The following HAUS6 variants were observed in gnomAD, a reference collection of about 807,000 sequenced individuals.
The protein encoded by HAUS6 is HAUS augmin-like complex subunit 6.
A neutral mutation model predicts 106.8 loss-of-function variants in HAUS6; 80 were observed. That is an observed-to-expected ratio of 0.75 (90% CI 0.63 to 0.90). The LOEUF is 0.90. Ranked by LOEUF, HAUS6 falls within the 40% of genes least tolerant of loss-of-function variation. The pLI, the probability that HAUS6 is intolerant of heterozygous loss-of-function variation, is 0.00. For synonymous variants in HAUS6, 356 were observed against 379.1 expected, an observed-to-expected ratio of 0.94 and a Z score of 0.71; for missense variants, 1,155 against 1,118.1, an observed-to-expected ratio of 1.03 and a Z score of -0.47.
At chr9:19,063,704 G>C (rs373447349) in intron 12 of HAUS6, 124 bp from the exon 13 acceptor site, 1 of 801,018 alleles carries the variant, frequency 1.2e-6, no homozygotes, top group East Asian at 2.5e-5. Flanking sequence ...AATTCGTCCC[G>C]GTCATCAAAA....
intron 12 of HAUS6, among the ~76,000 whole-genome samples, chr9:19,067,306 G>A (rs1302574457): frequency 6.6e-6 from 1 of 152,140 alleles, no homozygotes; most frequent in African/African-American, 2.4e-5. Context: ...ATTACTGATG[G>A]AACATGTAAC....
At chr9:19,087,186 TA>T in intron 5 of HAUS6, 30 bp from the exon 6 acceptor site, 1 of 1,190,590 alleles carries the variant, frequency 8.4e-7, no homozygotes, top group Non-Finnish European at 1.3e-6. Flanking sequence ...ATGACAACTA[TA>T]ATACCATTAC....
chr9:19,064,736 T>G (rs566530316), intron 12 of HAUS6, among the ~76,000 whole-genome samples: 13 of 152,232 alleles, frequency 8.5e-5, no homozygotes, highest in Non-Finnish European at 1.9e-4. Flanking sequence ...AAATATGCAC[T>G]CTTAGAGTCT....
intron 3 of HAUS6, 42 bp from the exon 4 acceptor site, chr9:19,093,345 C>A: frequency 6.6e-7 from 1 of 1,510,588 alleles, no homozygotes. Context: ...ACCTTGTTAA[C>A]AATAACTCTT....
chr9:19,059,656 T>C (rs1836564259), intron 15 of HAUS6, among the ~76,000 whole-genome samples: 1 of 152,186 alleles, frequency 6.6e-6, no homozygotes, highest in African/African-American at 2.4e-5. Context: ...AAAAAAGGTA[T>C]TGGGCAGTTT....
chr9:19,093,111 T>A (rs1817789968), intron 4 of HAUS6, 60 bp downstream of exon 4: 1 of 1,191,990 alleles, frequency 8.4e-7, no homozygotes, highest in Admixed American at 2.5e-5. Flanking sequence ...ATTTAAAAAT[T>A]GTAAAGAACA....
At chr9:19,084,051 C>CA (rs35034404) in intron 7 of HAUS6, among the ~76,000 whole-genome samples, 43,805 of 100,188 alleles carry the variant, frequency 0.44, 8,498 homozygotes, top group African/African-American at 0.61. Flanking sequence ...AGGATCCTTG[C>CA]AAAAAAAAAA....
At position 19,093,201 on chromosome 9, in the gene HAUS6, C is replaced by T. The variant is rs768626069; in HGVS notation, c.406G>A (p.Ala136Thr). The T allele has an allele frequency of 6.3e-7, 1 of 1,598,770 alleles. No homozygotes were observed. Among genetic ancestry groups the T allele is most frequent in the Non-Finnish European group, 8.5e-7 (1 of 1,170,332 alleles). Residue 136 changes from alanine (A) to threonine (T), a missense_variant, in exon 4 of 17, where the codon GCA (alanine) becomes ACA (threonine). Ala to Thr is a moderately conservative substitution (Grantham distance 58, BLOSUM62 0). This residue lies in a region of HAUS6 where 761 missense variants were observed against 690.0 expected (regional missense o/e 1.10). Transcript: ENST00000380502. ...GAATTGGATTTAATATATTTCATTG[C>T]AACAAATCTTGCAAAATGATACATC... ...HLMYHFARFVAMKYIKSNSKN... is the reference protein window; with the variant it reads ...HLMYHFARFVTMKYIKSNSKN...
chr9:19,089,817 A>C (rs1817706656), intron 4 of HAUS6: 2 of 437,936 alleles, frequency 4.6e-6, no homozygotes, highest in Non-Finnish European at 8.1e-6. Context: ...TATAACAACT[A>C]ATGTTTTGTT....
intron 4 of HAUS6, among the ~76,000 whole-genome samples, chr9:19,090,107 G>C (rs1817712711): frequency 6.6e-6 from 1 of 152,028 alleles, no homozygotes; most frequent in Non-Finnish European, 1.5e-5. Context: ...CCAGAGTGCT[G>C]GGATTACAGG....
chr9:19,100,716 G>C (rs1202436307), intron 1 of HAUS6, among the ~76,000 whole-genome samples: 1 of 152,148 alleles, frequency 6.6e-6, no homozygotes, highest in Non-Finnish European at 1.5e-5. Flanking sequence ...AATGGATAAA[G>C]AAATTGTGGT....
Position 19,092,472 on chromosome 9 carries a change from G to A in HAUS6, c.436+699C>T, listed in dbSNP as rs186666489. Reference sequence around the variant, plus strand: ...CTCTACTAAAAATACAAAATTAGCCGGGTGTAGAAGTGCATGCCTGTAATC... The same window carrying A: ...CTCTACTAAAAATACAAAATTAGCCAGGTGTAGAAGTGCATGCCTGTAATC... On this transcript the variant is annotated intron_variant, in intron 4 of 16. Coordinates refer to ENST00000380502, the MANE Select transcript of HAUS6 (RefSeq NM_017645.5). 1.8e-4 allele frequency among the ~76,000 whole-genome samples: 27 copies of A among 151,678 alleles called. No individual in the cohort carries two copies. The East Asian group carries it at 2.7e-3, about 15-fold the overall frequency.
intron 7 of HAUS6, among the ~76,000 whole-genome samples, chr9:19,085,644 A>C (rs1359606757): frequency 6.6e-6 from 1 of 152,012 alleles, no homozygotes; most frequent in Non-Finnish European, 1.5e-5. Flanking sequence ...AACCTAAGAA[A>C]ATACTTAACT....
chr9:19,088,559 G>C (rs1286110025), intron 5 of HAUS6, among the ~76,000 whole-genome samples: 1 of 151,686 alleles, frequency 6.6e-6, no homozygotes, highest in Non-Finnish European at 1.5e-5. Context: ...AAGCACATAA[G>C]AAAACTGAAC....
At chr9:19,100,340 TGA>T (rs1817961880) in intron 1 of HAUS6, among the ~76,000 whole-genome samples, 1 of 152,248 alleles carries the variant, frequency 6.6e-6, no homozygotes, top group Admixed American at 6.5e-5. Flanking sequence ...CACTCCAGCC[TGA>T]GAGACAGAGC....
intron 14 of HAUS6, 50 bp downstream of exon 14, chr9:19,062,958 G>A (rs1480824101): frequency 1.5e-6 from 2 of 1,352,348 alleles, no homozygotes; most frequent in Non-Finnish European, 2.1e-6. Context: ...GGGCCACTGT[G>A]CCCATCCAAT....
chr9:19,068,769 G>A (rs1588603939), intron 12 of HAUS6, among the ~76,000 whole-genome samples: 1 of 150,484 alleles, frequency 6.6e-6, no homozygotes, highest in Admixed American at 6.6e-5. Flanking sequence ...ACTTAATAAT[G>A]TTTAATTTCA....
intron 5 of HAUS6, 102 bp from the exon 6 acceptor site, chr9:19,087,258 G>C (rs1408773776): frequency 1.2e-5 from 9 of 725,074 alleles, no homozygotes; most frequent in Non-Finnish European, 2.2e-5. Flanking sequence ...TAAGGCCTCT[G>C]GGTACAGCCA....
chr9:19,098,004 C>A (rs1817899303), intron 1 of HAUS6, among the ~76,000 whole-genome samples: 1 of 152,234 alleles, frequency 6.6e-6, no homozygotes, highest in Non-Finnish European at 1.5e-5. Context: ...TCAAGTAACA[C>A]AAATGAAGTT....
Sources: allele counts gnomAD v4.1 joint callset (sites outside exome capture counted in the v4.1 genomes callset), GRCh38; gene constraint gnomAD v4.1.1; regional missense constraint gnomAD v4.1.1; transcripts MANE v1.5; gene names NCBI Gene and HGNC (gene_info 2026-07-23, HGNC 2026-07-21).